The following GTF2F2 variants were observed in gnomAD, a reference collection of about 807,000 sequenced individuals.
GTF2F2 encodes general transcription factor IIF subunit 2.
In GTF2F2, 23 loss-of-function variants were observed where a neutral mutation model predicts 42.2. The observed-to-expected ratio is 0.55, with a 90% CI of 0.39 to 0.77. GTF2F2 has a LOEUF of 0.77. Ranked by LOEUF, GTF2F2 falls within the 30% of genes least tolerant of loss-of-function variation. The probability of loss-of-function intolerance (pLI) is 0.00; values close to 1 mark genes in which losing one functional copy is unlikely to be tolerated. For synonymous variants in GTF2F2, 105 were observed against 100.8 expected (o/e 1.04, Z -0.25); for missense variants, 261 against 287.2 (o/e 0.91, Z 0.66).
intron 1 of GTF2F2, among the ~76,000 whole-genome samples, chr13:45,132,688 G>T: frequency 6.6e-6 from 1 of 152,024 alleles, no homozygotes; most frequent in East Asian, 1.9e-4. Flanking sequence ...ATTGGCCATA[G>T]TTTATCCATT....
At chr13:45,273,082 C>T (rs1473093464) in intron 7 of GTF2F2, among the ~76,000 whole-genome samples, 3 of 151,684 alleles carry the variant, frequency 2.0e-5, no homozygotes, top group South Asian at 2.1e-4. Flanking sequence ...CCCGCCACCA[C>T]GCCTGGCTAA....
chr13:45,242,915 G>A (rs917267880), intron 5 of GTF2F2, among the ~76,000 whole-genome samples: 6 of 152,068 alleles, frequency 3.9e-5, no homozygotes, highest in Non-Finnish European at 7.4e-5. Context: ...GCATTTTTTC[G>A]TTTAGTTAGG....
intron 7 of GTF2F2, among the ~76,000 whole-genome samples, chr13:45,273,746 C>T (rs1876904964): frequency 6.7e-6 from 1 of 149,088 alleles, no homozygotes; most frequent in Non-Finnish European, 1.5e-5. Context: ...CCTCCACCTC[C>T]CTGGTTCAAG....
At chr13:45,122,352 C>T (rs1323867032) in intron 1 of GTF2F2, among the ~76,000 whole-genome samples, 3 of 151,884 alleles carry the variant, frequency 2.0e-5, no homozygotes, top group Admixed American at 1.3e-4. Flanking sequence ...ATCACAGGAT[C>T]GGGCTGGGCA....
At chr13:45,233,604 G>A (rs1479875032) in intron 5 of GTF2F2, among the ~76,000 whole-genome samples, 1 of 152,160 alleles carries the variant, frequency 6.6e-6, no homozygotes, top group Non-Finnish European at 1.5e-5. Context: ...GGAAACAGGA[G>A]AATACAACTT....
intron 1 of GTF2F2, among the ~76,000 whole-genome samples, chr13:45,124,965 C>G (rs577528183): frequency 4.5e-4 from 69 of 152,176 alleles, no homozygotes; most frequent in Non-Finnish European, 6.5e-4. Flanking sequence ...TAGATGTGAG[C>G]CACCCTTCCC....
chr13:45,276,860 A>T (rs1164326065), intron 7 of GTF2F2, among the ~76,000 whole-genome samples: 1 of 152,242 alleles, frequency 6.6e-6, no homozygotes, highest in Non-Finnish European at 1.5e-5. Flanking sequence ...GATAGAGGAG[A>T]TGTTACTAAA....
intron 2 of GTF2F2, among the ~76,000 whole-genome samples, chr13:45,138,460 A>G (rs1209880543): frequency 6.6e-6 from 1 of 152,162 alleles, no homozygotes; most frequent in African/African-American, 2.4e-5. Flanking sequence ...ACAGACCAAG[A>G]TTTAACCATT....
intron 4 of GTF2F2, among the ~76,000 whole-genome samples, chr13:45,200,605 G>T (rs1254495458): frequency 1.3e-5 from 2 of 152,154 alleles, no homozygotes; most frequent in Non-Finnish European, 2.9e-5. Flanking sequence ...AATTCCTGAA[G>T]ATCAAATAGA....
At chr13:45,208,883 G>A (rs1873522919) in intron 5 of GTF2F2, among the ~76,000 whole-genome samples, 1 of 152,102 alleles carries the variant, frequency 6.6e-6, no homozygotes, top group Non-Finnish European at 1.5e-5. Context: ...TTCTTTCATT[G>A]TTTTTAGCTT....
At chr13:45,248,961 GC>G in intron 5 of GTF2F2, among the ~76,000 whole-genome samples, 1 of 152,126 alleles carries the variant, frequency 6.6e-6, no homozygotes, top group South Asian at 2.1e-4. Context: ...TCCCAAGTCA[GC>G]CTAATACCTC....
intron 4 of GTF2F2, among the ~76,000 whole-genome samples, chr13:45,189,430 G>T (rs1282478852): frequency 6.6e-6 from 1 of 152,214 alleles, no homozygotes; most frequent in East Asian, 1.9e-4. Flanking sequence ...TAATGGGATG[G>T]CTAGGTCAAA....
chr13:45,254,869 CT>C (rs1383003856), intron 6 of GTF2F2, among the ~76,000 whole-genome samples: 1 of 152,042 alleles, frequency 6.6e-6, no homozygotes, highest in African/African-American at 2.4e-5. Flanking sequence ...AGAAAATTTT[CT>C]TTAAGACTAG....
At chr13:45,249,951 G>T (rs1157078937) in intron 5 of GTF2F2, among the ~76,000 whole-genome samples, 1 of 150,732 alleles carries the variant, frequency 6.6e-6, no homozygotes, top group African/African-American at 2.4e-5. Context: ...TCCTATATCT[G>T]TCTTCAATCT....
chr13:45,179,302 TTGA>T (rs1047418235), intron 4 of GTF2F2, among the ~76,000 whole-genome samples: 12 of 152,322 alleles, frequency 7.9e-5, no homozygotes, highest in African/African-American at 2.9e-4. Flanking sequence ...TGAGATTTCT[TTGA>T]TGGGGTATCC....
intron 4 of GTF2F2, among the ~76,000 whole-genome samples, chr13:45,182,602 G>T (rs546110919): frequency 6.6e-6 from 1 of 152,212 alleles, no homozygotes; most frequent in Admixed American, 6.5e-5. Flanking sequence ...CTGTGAAGTT[G>T]TTGCTTTGCT....
chr13:45,186,318 G>A (rs1422354049), intron 4 of GTF2F2, among the ~76,000 whole-genome samples: 3 of 143,142 alleles, frequency 2.1e-5, no homozygotes, highest in African/African-American at 7.9e-5. Flanking sequence ...TTGAGACAGA[G>A]TCTGGCCCCG....
chr13:45,256,750 C>T (rs137985681), intron 6 of GTF2F2, among the ~76,000 whole-genome samples: 1 of 151,966 alleles, frequency 6.6e-6, no homozygotes, highest in Non-Finnish European at 1.5e-5. Flanking sequence ...TAAACGAACA[C>T]AGGTCAGCAA....
chr13:45,279,089 C>G (rs1877152996), intron 7 of GTF2F2, among the ~76,000 whole-genome samples: 1 of 152,154 alleles, frequency 6.6e-6, no homozygotes, highest in Non-Finnish European at 1.5e-5. Context: ...TCCCAAAGTG[C>G]TGGGATTACA....
Sources: allele counts gnomAD v4.1 joint callset (sites outside exome capture counted in the v4.1 genomes callset), GRCh38; gene constraint gnomAD v4.1.1; transcripts MANE v1.5; gene names NCBI Gene and HGNC (gene_info 2026-07-23, HGNC 2026-07-21).